CEP135: variants seen among roughly 807,000 people sequenced by gnomAD.
The protein encoded by CEP135 is centrosomal protein of 135 kDa.
In CEP135, 142 loss-of-function variants were observed where a neutral mutation model predicts 157.3. The ratio of observed to expected loss-of-function variants is 0.90; its 90% CI spans 0.79 to 1.04. The LOEUF (loss-of-function observed/expected upper bound fraction) is 1.04, where lower values mean the gene tolerates loss of function less well. Among genes scored for constraint, CEP135 ranks in the 50% least tolerant of loss-of-function variants. The probability of loss-of-function intolerance (pLI) is 0.00; values close to 1 mark genes in which losing one functional copy is unlikely to be tolerated. For missense variants in CEP135, 1,317 were observed against 1,309.2 expected, an observed-to-expected ratio of 1.01 and a Z score of -0.09; for synonymous variants, 396 against 439.8, an observed-to-expected ratio of 0.90 and a Z score of 1.25.
chr4:55,978,189 T>A (rs1160240831), intron 11 of CEP135, among the ~76,000 whole-genome samples: 1 of 152,154 alleles, frequency 6.6e-6, no homozygotes, highest in African/African-American at 2.4e-5. Flanking sequence ...TTTTACTGGG[T>A]AAACTCATGT....
chr4:56,009,708 ATTAG>A (rs764679153), intron 18 of CEP135, 23 bp from the exon 19 acceptor site: 2 of 1,575,738 alleles, frequency 1.3e-6, no homozygotes, highest in Admixed American at 2.1e-5. Flanking sequence ...AGTTTTCTTT[ATTAG>A]TTTCACATCA....
chr4:55,974,532 A>G (rs1729129133), intron 10 of CEP135, among the ~76,000 whole-genome samples: 1 of 152,126 alleles, frequency 6.6e-6, no homozygotes, highest in Admixed American at 6.6e-5. Flanking sequence ...ACTTGGACCT[A>G]TTGGACTTTA....
chr4:56,026,551 A>G (rs998793340), intron 25 of CEP135, among the ~76,000 whole-genome samples: 2 of 152,194 alleles, frequency 1.3e-5, no homozygotes, highest in African/African-American at 2.4e-5. Context: ...GAATGCCATT[A>G]TGGAAACTTA....
In CEP135 at chr4:55,961,734, A is replaced by ACCATT. The variant is rs1728685051; in HGVS notation, c.699+1968_699+1969insCCATT. ...AGCCAAGATCACACCATTGCACTCC[A>ACCATT]GCCTGGGCAACAAGAGCGAAAACTC... On this transcript the variant is annotated intron_variant, in intron 6 of 25. Coordinates refer to ENST00000257287, the MANE Select transcript of CEP135 (RefSeq NM_025009.5). Among the ~76,000 whole-genome samples the ACCATT allele has an allele frequency of 1.5e-5, 2 of 134,088 alleles. 1 individual carries two copies. The highest frequency in any genetic ancestry group is 5.2e-4 in the South Asian group (2 of 3,832). 88.0% of individuals were successfully genotyped at this position (134,088 alleles called of 152,430 possible). A position where few individuals can be genotyped will look rare whatever the true frequency, so the allele number is the denominator to read the frequency against.
Position 56,019,520 on chromosome 4 carries a change from A to G in CEP135, c.3180A>G (p.Leu1060=), listed in dbSNP as rs1157008731. 1.5e-5 allele frequency: 24 copies of G among 1,613,818 alleles called. No individual in the cohort carries two copies. The highest frequency in any genetic ancestry group is 1.9e-5 in the Non-Finnish European group (22 of 1,179,958). Residue 1060 remains leucine (L), a synonymous_variant, in exon 23 of 26, where the codon CTA becomes CTG. Coordinates refer to ENST00000257287, the MANE Select transcript of CEP135 (RefSeq NM_025009.5). ...ACGAGAAGGATACAGAAATCCAGCT[A>G]CTTAAGGAGAAGTTAACCCTTTCTG... is the stretch of plus-strand genomic sequence containing the variant. ...TSHEKDTEIQ[L]LKEKLTLSES... is the part of the protein sequence containing the mutation.
At chr4:55,989,472 G>A (rs1729714105) in intron 14 of CEP135, among the ~76,000 whole-genome samples, 2 of 152,126 alleles carry the variant, frequency 1.3e-5, no homozygotes. Context: ...CAGAATGTGT[G>A]CCCCTAAACA....
At chr4:55,969,444 AAAAAG>A (rs1022760218) in intron 9 of CEP135, among the ~76,000 whole-genome samples, 2 of 151,426 alleles carry the variant, frequency 1.3e-5, no homozygotes, top group African/African-American at 2.4e-5. Context: ...AAAAAAAAAA[AAAAAG>A]AAAAGAAAAT....
chr4:56,007,876 G>A (rs1577903934), intron 17 of CEP135, among the ~76,000 whole-genome samples: 1 of 152,166 alleles, frequency 6.6e-6, no homozygotes, highest in African/African-American at 2.4e-5. Flanking sequence ...TGATGATAAT[G>A]TTAGCATTGT....
Position 55,996,809 on chromosome 4 carries a change from G to A in CEP135, c.2010-2493G>A, listed in dbSNP as rs1032350118. On this transcript the variant is annotated intron_variant, in intron 15 of 25. Coordinates refer to ENST00000257287, the MANE Select transcript of CEP135 (RefSeq NM_025009.5). ...CTCCATTTTAGAACTTGAACACTTCGTATGAACAGAGGATCCTTTAAGATG... is the reference window on the plus strand; with the variant it reads ...CTCCATTTTAGAACTTGAACACTTCATATGAACAGAGGATCCTTTAAGATG... Among the ~76,000 whole-genome samples, 13 of 150,444 alleles carry A rather than the reference G, an allele frequency of 8.6e-5. No individual in the cohort carries two copies. In the East Asian group the frequency reaches 1.2e-3, roughly 14 times the overall value.
At chr4:56,017,565 T>G in intron 21 of CEP135, 83 bp from the exon 22 acceptor site, 18 of 1,212,774 alleles carry the variant, frequency 1.5e-5, no homozygotes, top group East Asian at 2.6e-5. Flanking sequence ...TTTTCTAAAG[T>G]GAGATTGTTG....
At position 56,021,392 on chromosome 4, in the gene CEP135, A is replaced by G. The variant is rs570449035; in HGVS notation, c.3320+612A>G. ...AAAACCTGTACCCTTAACCTCTTCA[A>G]TGTATTCCCTACAGCTTGGTAATTT... On this transcript the variant is annotated intron_variant, in intron 24 of 25. Transcript: ENST00000257287. Among the ~76,000 whole-genome samples, 33 of 152,316 alleles carry G rather than the reference A, an allele frequency of 2.2e-4. 1 individual carries two copies. The highest frequency in any genetic ancestry group is 7.5e-4 in the African/African-American group (31 of 41,580).
chr4:55,980,171 T>A lies in CEP135; in HGVS notation c.1502T>A (p.Ile501Asn). Residue 501 changes from isoleucine to asparagine, a missense_variant, in exon 12 of 26, where the codon ATC (isoleucine) becomes AAC (asparagine). By Grantham distance (149) the Ile-to-Asn change is moderately radical. Coordinates refer to ENST00000257287, the MANE Select transcript of CEP135 (RefSeq NM_025009.5). ...KGDYNSEIHQ[I>N]TRERDELQRM... ...GATTACAATTCAGAAATTCATCAGA[T>A]CACAAGAGAAAGAGATGAACTTCAG... 1 of 1,610,872 alleles carries A rather than the reference T, an allele frequency of 6.2e-7. No homozygotes were observed. The highest frequency in any genetic ancestry group is 8.5e-7 in the Non-Finnish European group (1 of 1,178,480).
chr4:56,025,406 A>G (rs1476297768), intron 25 of CEP135, among the ~76,000 whole-genome samples: 1 of 152,214 alleles, frequency 6.6e-6, no homozygotes, highest in Non-Finnish European at 1.5e-5. Context: ...TAGGTAGTAA[A>G]AATGTAGACA....
At chr4:55,977,783 A>T (rs1447048) in intron 11 of CEP135, among the ~76,000 whole-genome samples, 72,259 of 152,078 alleles carry the variant, frequency 0.48, 17,728 homozygotes, top group African/African-American at 0.6. Flanking sequence ...ATTCCTCCAG[A>T]CTAACTGAAA....
At chr4:56,006,491 C>T (rs915776443) in intron 17 of CEP135, among the ~76,000 whole-genome samples, 1 of 152,112 alleles carries the variant, frequency 6.6e-6, no homozygotes, top group Admixed American at 6.6e-5. Flanking sequence ...GTGATGTGCA[C>T]CTGTGGTTCC....
chr4:55,949,440 C>A (rs1728284983), intron 1 of CEP135, among the ~76,000 whole-genome samples: 1 of 152,206 alleles, frequency 6.6e-6, no homozygotes, highest in Admixed American at 6.5e-5. Flanking sequence ...ACAAAAATGT[C>A]GCAAAGCGTA....
At chr4:55,954,873 C>G (rs1268963413) in intron 4 of CEP135, among the ~76,000 whole-genome samples, 1 of 152,136 alleles carries the variant, frequency 6.6e-6, no homozygotes, top group East Asian at 1.9e-4. Context: ...TCATTTGAGG[C>G]CGCTTCAAGA....
chr4:56,014,090 G>A (rs1281935587), intron 21 of CEP135, among the ~76,000 whole-genome samples: 1 of 152,142 alleles, frequency 6.6e-6, no homozygotes, highest in African/African-American at 2.4e-5. Context: ...TCTCCAGAAG[G>A]AACCAAACCT....
intron 1 of CEP135, among the ~76,000 whole-genome samples, chr4:55,950,441 C>T (rs960515009): frequency 3.3e-5 from 5 of 151,962 alleles, no homozygotes; most frequent in Admixed American, 2.0e-4. Flanking sequence ...ATACGAGTAC[C>T]ATGACTACAG....
Sources: allele counts gnomAD v4.1 joint callset (sites outside exome capture counted in the v4.1 genomes callset), GRCh38; gene constraint gnomAD v4.1.1; transcripts MANE v1.5; gene names NCBI Gene and HGNC (gene_info 2026-07-23, HGNC 2026-07-21).